ZNG1E: variants seen among roughly 807,000 people sequenced by gnomAD.
ZNG1E encodes zinc-regulated GTPase metalloprotein activator 1E.
chr9:65,679,705 C>T, the ZNG1E span, among the ~76,000 whole-genome samples: 1 of 152,270 alleles, frequency 6.6e-6, no homozygotes, highest in Non-Finnish European at 1.5e-5. Context: ...CAGGCATGCG[C>T]CACCATGCCC....
chr9:65,709,349 T>C, the ZNG1E span, among the ~76,000 whole-genome samples: 1 of 151,334 alleles, frequency 6.6e-6, no homozygotes, highest in African/African-American at 2.5e-5. Context: ...TTTTTTAAAT[T>C]TATTTATTTA....
At chr9:65,699,087 T>A in the ZNG1E span, among the ~76,000 whole-genome samples, 154 of 148,054 alleles carry the variant, frequency 1.0e-3, no homozygotes, top group East Asian at 0.013. Context: ...TATTTTATTT[T>A]ATTTTATTTT....
chr9:65,674,941 T>C, the ZNG1E span, among the ~76,000 whole-genome samples: 3 of 142,082 alleles, frequency 2.1e-5, no homozygotes, highest in Non-Finnish European at 3.0e-5. Flanking sequence ...AGCCACACAA[T>C]AGAATACAAG....
At chr9:65,668,461 G>C in the ZNG1E span, among the ~76,000 whole-genome samples, 1 of 149,864 alleles carries the variant, frequency 6.7e-6, no homozygotes, top group African/African-American at 2.4e-5. Context: ...AATACATTCA[G>C]GTATAATACA....
the ZNG1E span, among the ~76,000 whole-genome samples, chr9:65,677,654 T>C: frequency 1.3e-5 from 2 of 152,240 alleles, no homozygotes; most frequent in African/African-American, 4.8e-5. Flanking sequence ...TCTTTATAAA[T>C]GTCAATCCGA....
chr9:65,662,605 A>T, the ZNG1E span, among the ~76,000 whole-genome samples: 1 of 152,096 alleles, frequency 6.6e-6, no homozygotes, highest in African/African-American at 2.4e-5. Context: ...AGCTGGGAAA[A>T]CGGCAATGGA....
the ZNG1E span, among the ~76,000 whole-genome samples, chr9:65,657,853 C>A: frequency 3.3e-5 from 5 of 152,282 alleles, no homozygotes; most frequent in African/African-American, 4.8e-5. Context: ...GTAATCCCAG[C>A]ACTTTGGGAG....
the ZNG1E span, among the ~76,000 whole-genome samples, chr9:65,697,375 G>T: frequency 1.3e-5 from 1 of 79,686 alleles, no homozygotes; most frequent in Non-Finnish European, 2.8e-5. Flanking sequence ...TGATGGGTGT[G>T]TGTTCAATTA....
the ZNG1E span, among the ~76,000 whole-genome samples, chr9:65,672,560 G>A: frequency 1.3e-5 from 2 of 151,686 alleles, no homozygotes; most frequent in African/African-American, 2.4e-5. Context: ...CCTGGCTAAC[G>A]TGGTGAAACC....
chr9:65,733,329 T>A, the ZNG1E span: 1 of 1,446,784 alleles, frequency 6.9e-7, no homozygotes, highest in Admixed American at 2.6e-5. Context: ...AAGTGGTTAA[T>A]CCAAGGACCA....
At chr9:65,717,450 T>G in the ZNG1E span, among the ~76,000 whole-genome samples, 1 of 148,556 alleles carries the variant, frequency 6.7e-6, no homozygotes, top group Non-Finnish European at 1.5e-5. Context: ...TAGCCCATCC[T>G]AACTTTCCTC....
At chr9:65,672,839 C>T in the ZNG1E span, among the ~76,000 whole-genome samples, 2 of 123,532 alleles carry the variant, frequency 1.6e-5, no homozygotes, top group African/African-American at 6.5e-5. Flanking sequence ...GACAGGACTC[C>T]ACAGAATCCA....
At chr9:65,696,003 T>A in the ZNG1E span, among the ~76,000 whole-genome samples, 23 of 148,270 alleles carry the variant, frequency 1.6e-4, no homozygotes, top group African/African-American at 5.2e-4. Flanking sequence ...ACTTTCCATT[T>A]TGTTTTATTT....
the ZNG1E span, among the ~76,000 whole-genome samples, chr9:65,676,881 T>C: frequency 6.8e-6 from 1 of 146,864 alleles, no homozygotes; most frequent in African/African-American, 2.6e-5. Flanking sequence ...CTAGAACAAA[T>C]ATATGACTGT....
At chr9:65,722,697 A>ATTTTTT in the ZNG1E span, among the ~76,000 whole-genome samples, 206 of 8,410 alleles carry the variant, frequency 0.024, 49 homozygotes, top group Non-Finnish European at 0.029. Context: ...TGCCTAGCTA[A>ATTTTTT]TTTTTTTTTT....
the ZNG1E span, among the ~76,000 whole-genome samples, chr9:65,691,791 A>C: frequency 6.6e-6 from 1 of 151,170 alleles, no homozygotes; most frequent in Non-Finnish European, 1.5e-5. Context: ...TTCATTTAAA[A>C]TATATTAGAA....
At chr9:65,688,031 G>T in the ZNG1E span, among the ~76,000 whole-genome samples, 1 of 150,766 alleles carries the variant, frequency 6.6e-6, no homozygotes, top group Non-Finnish European at 1.5e-5. Flanking sequence ...ATTTTCTTTT[G>T]TTCTTCGTAT....
At chr9:65,691,692 T>C in the ZNG1E span, among the ~76,000 whole-genome samples, 2 of 152,234 alleles carry the variant, frequency 1.3e-5, no homozygotes, top group African/African-American at 4.8e-5. Context: ...ATGAGGATCA[T>C]ATTTTTGCTT....
At chr9:65,717,922 A>G in the ZNG1E span, among the ~76,000 whole-genome samples, 1 of 146,124 alleles carries the variant, frequency 6.8e-6, no homozygotes, top group East Asian at 1.9e-4. Flanking sequence ...CCTGGGCTTA[A>G]GTGATCTGCC....
Sources: gnomAD v4.1 joint callset for allele counts (sites outside exome capture counted in the v4.1 genomes callset) on GRCh38, gnomAD v4.1.1 for gene constraint, MANE v1.5 for transcripts, NCBI Gene and HGNC (gene_info 2026-07-23, HGNC 2026-07-21) for gene names.